Variants in ST8SIA6 observed in about 807,000 individuals in gnomAD.
ST8SIA6 encodes the protein ST8 alpha-N-acetyl-neuraminide alpha-2,8-sialyltransferase 6.
Under a neutral mutation model 33.6 loss-of-function variants are expected in ST8SIA6, and 39 were observed. The ratio of observed to expected loss-of-function variants is 1.16; its 90% CI spans 0.90 to 1.52. The LOEUF (loss-of-function observed/expected upper bound fraction) is 1.52, where lower values mean the gene tolerates loss of function less well. Ranked by LOEUF, ST8SIA6 falls within the 40% of genes most tolerant of loss-of-function variation. The probability of loss-of-function intolerance (pLI) is 0.00; values close to 1 mark genes in which losing one functional copy is unlikely to be tolerated. For synonymous variants in ST8SIA6, 172 were observed against 167.2 expected (o/e 1.03, Z -0.22); for missense variants, 441 against 443.8 (o/e 0.99, Z 0.06).
At chr10:17,399,837 G>A (rs1449744188) in intron 2 of ST8SIA6, among the ~76,000 whole-genome samples, 1 of 151,428 alleles carries the variant, frequency 6.6e-6, no homozygotes, top group South Asian at 2.1e-4. Context: ...AGGATTGCTT[G>A]AGTCTGGGAG....
intron 2 of ST8SIA6, among the ~76,000 whole-genome samples, chr10:17,402,651 A>C (rs1851090370): frequency 6.6e-6 from 1 of 152,152 alleles, no homozygotes; most frequent in Non-Finnish European, 1.5e-5. Flanking sequence ...GGAAACCATC[A>C]TTCTCAGCAA....
intron 2 of ST8SIA6, among the ~76,000 whole-genome samples, chr10:17,417,553 G>T (rs1414393091): frequency 6.6e-6 from 1 of 150,682 alleles, no homozygotes; most frequent in African/African-American, 2.4e-5. Flanking sequence ...CTACCACTTA[G>T]CACAGTGAGC....
intron 3 of ST8SIA6, among the ~76,000 whole-genome samples, chr10:17,365,267 A>G (rs1156509047): frequency 2.0e-5 from 3 of 152,224 alleles, no homozygotes; most frequent in Admixed American, 6.5e-5. Flanking sequence ...CGTCTCTTTG[A>G]AGATGAAGAC....
intron 5 of ST8SIA6, among the ~76,000 whole-genome samples, chr10:17,329,486 G>A (rs2131582872): frequency 6.6e-6 from 1 of 152,232 alleles, no homozygotes; most frequent in Middle Eastern, 3.4e-3. Flanking sequence ...TAAATGAATG[G>A]TTCCTAGATA....
At chr10:17,396,417 T>C (rs1412476839) in intron 2 of ST8SIA6, among the ~76,000 whole-genome samples, 2 of 152,242 alleles carry the variant, frequency 1.3e-5, no homozygotes, top group Non-Finnish European at 2.9e-5. Context: ...CCTCCATGGC[T>C]ACACTAGGCA....
rs146946315 is a variant in ST8SIA6 at position 17,428,256 on chromosome 10, G to A, written c.200+25303C>T. Among the ~76,000 whole-genome samples the A allele has an allele frequency of 3.2e-4, 49 of 152,208 alleles. No homozygotes were observed. In the East Asian group the frequency reaches 5.8e-3, roughly 18 times the overall value. On this transcript the variant is annotated intron_variant, in intron 2 of 7. Coordinates refer to ENST00000377602, the MANE Select transcript of ST8SIA6 (RefSeq NM_001004470.3). ...CAGCTGGGTGTGTCCTGGTGCAGCC[G>A]CCATCGGCCCTTCCCCTCCCCTCCC... is the stretch of plus-strand genomic sequence containing the variant.
intron 4 of ST8SIA6, among the ~76,000 whole-genome samples, chr10:17,337,268 A>G (rs1425426658): frequency 2.0e-5 from 3 of 152,118 alleles, no homozygotes; most frequent in Non-Finnish European, 4.4e-5. Context: ...CCGTGAGCCA[A>G]TTAAACCTCT....
At chr10:17,355,294 A>T (rs1175579538) in intron 4 of ST8SIA6, among the ~76,000 whole-genome samples, 2 of 152,176 alleles carry the variant, frequency 1.3e-5, no homozygotes, top group Admixed American at 1.3e-4. Context: ...TTCTCTTTGA[A>T]ATCTTTCTGT....
chr10:17,385,362 C>G (rs575980033), intron 3 of ST8SIA6, among the ~76,000 whole-genome samples: 2 of 152,202 alleles, frequency 1.3e-5, no homozygotes, highest in Non-Finnish European at 2.9e-5. Flanking sequence ...TTACTTCTTA[C>G]ATATAATGAT....
At chr10:17,352,991 T>A (rs1046076799) in intron 4 of ST8SIA6, among the ~76,000 whole-genome samples, 2 of 152,158 alleles carry the variant, frequency 1.3e-5, no homozygotes, top group Non-Finnish European at 2.9e-5. Flanking sequence ...TGTATTGCTT[T>A]CAGCTGTCAA....
rs911989003 is a variant in ST8SIA6, at chr10:17,380,883, T to C, written c.290+9648A>G. On this transcript the variant is annotated intron_variant, in intron 3 of 7. Transcript: ENST00000377602. Reference sequence around the variant, plus strand: ...TGTATGTGTTTGTATGTGTACACGTTTGTGTGTATGCATATGTGTATATGT... The same window carrying C: ...TGTATGTGTTTGTATGTGTACACGTCTGTGTGTATGCATATGTGTATATGT... Among the ~76,000 whole-genome samples the C allele has an allele frequency of 2.0e-5, 3 of 150,236 alleles. No homozygotes were observed. In the East Asian group the frequency reaches 6.0e-4, roughly 30 times the overall value.
intron 2 of ST8SIA6, chr10:17,408,410 A>G (rs1270208598): frequency 6.6e-6 from 1 of 152,182 alleles, no homozygotes; most frequent in African/African-American, 2.4e-5. Context: ...CACACCTGTA[A>G]TCTCAGCAGT....
intron 2 of ST8SIA6, among the ~76,000 whole-genome samples, chr10:17,398,330 G>GAA (rs772366475): frequency 7.1e-6 from 1 of 139,908 alleles, no homozygotes. Context: ...CCATCTTAAG[G>GAA]AAAAAAAAAA....
intron 4 of ST8SIA6, among the ~76,000 whole-genome samples, chr10:17,341,194 G>C (rs17364613): frequency 0.041 from 6,234 of 152,196 alleles, 189 homozygotes; most frequent in Non-Finnish European, 0.056. Flanking sequence ...GGCTACAAAG[G>C]GAAGACAGAG....
chr10:17,321,788 A>G (rs892918639), intron 7 of ST8SIA6, among the ~76,000 whole-genome samples: 3 of 152,180 alleles, frequency 2.0e-5, no homozygotes, highest in Non-Finnish European at 2.9e-5. Flanking sequence ...CACATATTTC[A>G]TTATAAGTTT....
chr10:17,383,964 A>G (rs1850249562), intron 3 of ST8SIA6, among the ~76,000 whole-genome samples: 1 of 152,204 alleles, frequency 6.6e-6, no homozygotes, highest in Admixed American at 6.5e-5. Flanking sequence ...TTTGGAAACT[A>G]TTTGTGTATA....
At position 17,323,065 on chromosome 10, in the gene ST8SIA6, T is replaced by G. The variant is rs1334011319; in HGVS notation, c.728A>C (p.Lys243Thr). 4 of 1,610,430 alleles carry G rather than the reference T, an allele frequency of 2.5e-6. No individual in the cohort carries two copies. The African/African-American group carries it at 5.3e-5, about 22-fold the overall frequency. ...VTINPSIITL[K>T]YGNLKEKKAL... Reference sequence around the variant, plus strand: ...AGTTATGTAACTTGCAGCTACTTACTTCAGAGTTATGATGCTTGGATTTAT... The same window carrying G: ...AGTTATGTAACTTGCAGCTACTTACGTCAGAGTTATGATGCTTGGATTTAT... The change falls in exon 7 of 8, where the codon AAA becomes ACA. Residue 243 changes from lysine to threonine, a missense_variant and splice_region_variant. Coordinates refer to ENST00000377602, the MANE Select transcript of ST8SIA6 (RefSeq NM_001004470.3).
At chr10:17,413,912 A>G in intron 2 of ST8SIA6, among the ~76,000 whole-genome samples, 1 of 152,326 alleles carries the variant, frequency 6.6e-6, no homozygotes, top group South Asian at 2.1e-4. Flanking sequence ...CACTAGTTTC[A>G]TATAATGAAT....
At chr10:17,344,126 C>T (rs377537694) in intron 4 of ST8SIA6, among the ~76,000 whole-genome samples, 2 of 152,136 alleles carry the variant, frequency 1.3e-5, no homozygotes, top group Non-Finnish European at 1.5e-5. Context: ...CTTAATACTG[C>T]CCTATATCCC....
Sources: allele counts gnomAD v4.1 joint callset (sites outside exome capture counted in the v4.1 genomes callset), GRCh38; gene constraint gnomAD v4.1.1; transcripts MANE v1.5; gene names NCBI Gene and HGNC (gene_info 2026-07-23, HGNC 2026-07-21).